Variants in CEACAM16 observed in about 807,000 individuals in gnomAD.
CEACAM16 encodes the protein CEA cell adhesion molecule 16, tectorial membrane component, also known as cell adhesion molecule CEACAM16.
A neutral mutation model predicts 39.4 loss-of-function variants in CEACAM16; 30 were observed. That is an observed-to-expected ratio of 0.76 (90% confidence interval 0.57 to 1.03). CEACAM16 has a LOEUF of 1.03. Among genes scored for constraint, CEACAM16 ranks in the 50% least tolerant of loss-of-function variants. The pLI, the probability that CEACAM16 is intolerant of heterozygous loss-of-function variation, is 0.00. For synonymous variants in CEACAM16, 262 were observed against 264.9 expected, an observed-to-expected ratio of 0.99 and a Z score of 0.11; for missense variants, 521 against 585.3, an observed-to-expected ratio of 0.89 and a Z score of 1.13.
In CEACAM16 at chr19:44,705,729, C is replaced by T. The variant is rs750837859; in HGVS notation, c.801C>T (p.Asn267=). 24 of 1,613,914 alleles carry T rather than the reference C, an allele frequency of 1.5e-5. No homozygotes were observed. The South Asian group carries it at 2.2e-4, about 15-fold the overall frequency. The change falls in exon 5 of 7, where the codon AAC becomes AAT. Residue 267 remains asparagine, a synonymous_variant. Transcript: ENST00000587331. ...AGCCCGAGTATGTGTGGACCTTCAA[C>T]GGGCAGGCCCTAAAGAACGGCCAAG... is the stretch of plus-strand genomic sequence containing the variant. ...CPEPEYVWTF[N]GQALKNGQDH...
intron 5 of CEACAM16, among the ~76,000 whole-genome samples, chr19:44,706,500 T>A (rs1001617101): frequency 3.3e-5 from 5 of 152,170 alleles, no homozygotes; most frequent in African/African-American, 1.2e-4. Flanking sequence ...TAAGGCCTCA[T>A]TAATTCTACC....
At position 44,705,701 on chromosome 19, in the gene CEACAM16, C is replaced by T. The variant is rs1974434470; in HGVS notation, c.773C>T (p.Pro258Leu). The T allele has an allele frequency of 6.2e-7, 1 of 1,613,838 alleles. No individual in the cohort carries two copies. ...LTLWCVSRSCPEPEYVWTFNG... is the reference protein window; with the variant it reads ...LTLWCVSRSCLEPEYVWTFNG... ...CTGTGGTGCGTGTCCAGGTCCTGCCCAGAGCCCGAGTATGTGTGGACCTTC... is the reference window on the plus strand; with the variant it reads ...CTGTGGTGCGTGTCCAGGTCCTGCCTAGAGCCCGAGTATGTGTGGACCTTC... Residue 258 changes from proline (P) to leucine (L), a missense_variant, in exon 5 of 7, where the codon CCA becomes CTA. Transcript: ENST00000587331.
intron 6 of CEACAM16, among the ~76,000 whole-genome samples, chr19:44,709,286 G>C (rs989802540): frequency 2.7e-5 from 4 of 149,632 alleles, no homozygotes; most frequent in Non-Finnish European, 4.5e-5. Context: ...CATCAGACTG[G>C]GAGCTCCCAG....
At position 44,703,703 on chromosome 19, in the gene CEACAM16, C is replaced by T; in HGVS notation, c.382+10C>T. 2.0e-6 allele frequency: 3 copies of T among 1,484,846 alleles called. No homozygotes were observed. The highest frequency in any genetic ancestry group is 2.7e-5 in the South Asian group (2 of 72,816). 92.0% of individuals were successfully genotyped at this position (1,484,846 alleles called of 1,614,324 possible). A position where few individuals can be genotyped will look rare whatever the true frequency, so the allele number is the denominator to read the frequency against. ...CACGTGCAGGTCCATGGTGAGACAC[C>T]CCCCAACACCCGCCTCTGCCCCAGC... On this transcript the variant is annotated intron_variant, in intron 3 of 6. Transcript: ENST00000587331.
chr19:44,707,399 C>T (rs1298388899), intron 5 of CEACAM16, among the ~76,000 whole-genome samples: 3 of 152,096 alleles, frequency 2.0e-5, no homozygotes, highest in Admixed American at 6.5e-5. Flanking sequence ...CATGCTCTCA[C>T]CCTCAAGAAT....
In CEACAM16 at chr19:44,709,206, C is replaced by A. The variant is rs192238684; in HGVS notation, c.1267+1019C>A. Among the ~76,000 whole-genome samples, 478 of 151,454 alleles carry A rather than the reference C, an allele frequency of 3.2e-3. 1 individual carries two copies. The highest frequency in any genetic ancestry group is 9.2e-3 in the African/African-American group (377 of 41,178). On this transcript the variant is annotated intron_variant, in intron 6 of 6. Coordinates refer to ENST00000587331, the MANE Select transcript of CEACAM16 (RefSeq NM_001039213.4). The stretch of plus-strand genomic sequence containing the variant: ...CATGTCTCCTCCATCAGACTGGGAG[C>A]TCCCGGAGTCAGGGACTATGTCTCC...
chr19:44,706,328 C>T (rs1340610555), intron 5 of CEACAM16, among the ~76,000 whole-genome samples: 1 of 145,770 alleles, frequency 6.9e-6, no homozygotes, highest in Non-Finnish European at 1.5e-5. Context: ...AGAATCACAG[C>T]CAATTGCTGG....
rs1156241984 is a variant in CEACAM16 at position 44,707,996 on chromosome 19, A to G, written c.1076A>G (p.Asn359Ser). The part of the protein sequence containing the change: ...AWYRGPASEP[N>S]RLLSQLPSGT... ...TACCGCGGGCCTGCCTCCGAGCCCA[A>G]CCGGCTGCTCAGCCAGCTGCCGTCA... Residue 359 changes from asparagine to serine, a missense_variant, in exon 6 of 7, where the codon AAC becomes AGC. Coordinates refer to ENST00000587331, the MANE Select transcript of CEACAM16 (RefSeq NM_001039213.4). 2 of 1,608,686 alleles carry G rather than the reference A, an allele frequency of 1.2e-6. No homozygotes were observed. The highest frequency in any genetic ancestry group is 1.7e-6 in the Non-Finnish European group (2 of 1,178,132).
In CEACAM16 at chr19:44,710,541, T is replaced by C; in HGVS notation, c.*35T>C. Reference sequence around the variant, plus strand: ...CCTGGAGACGTCCAGAGAGAAGAGCTCTTCGCACCATCCTCTGGTCCTCGC... The same window carrying C: ...CCTGGAGACGTCCAGAGAGAAGAGCCCTTCGCACCATCCTCTGGTCCTCGC... On this transcript the variant is annotated 3_prime_UTR_variant, in exon 7 of 7. Coordinates refer to ENST00000587331, the MANE Select transcript of CEACAM16 (RefSeq NM_001039213.4). 6.2e-7 allele frequency: 1 copy of C among 1,613,464 alleles called. No homozygotes were observed. The highest frequency in any genetic ancestry group is 8.5e-7 in the Non-Finnish European group (1 of 1,179,542).
chr19:44,701,355 TCCCAGGTCCTGCGGCAGACGGAG>T lies in CEACAM16; in HGVS notation c.-96-3_-77del. 1 of 1,285,694 alleles carries T rather than the reference TCCCAGGTCCTGCGGCAGACGGAG, an allele frequency of 7.8e-7. No homozygotes were observed. The allele number at this position is 1,285,694 out of a possible 1,614,324, so 79.6% of individuals were successfully genotyped here. On this transcript the variant is annotated splice_acceptor_variant and splice_polypyrimidine_tract_variant and 5_prime_UTR_variant and intron_variant, in exon 2 of 7. Coordinates refer to ENST00000587331, the MANE Select transcript of CEACAM16 (RefSeq NM_001039213.4). LOFTEE classifies it low-confidence loss of function (5UTR_SPLICE). This position sits in a 1 kb window ranked among gnomAD's most constrained non-coding sequence, Gnocchi z 4.0. ...CCCCTGGCTCCAAATCACCAAACCC[TCCCAGGTCCTGCGGCAGACGGAG>T]CCGAGCCCCAACCAGGAAGGGAGTC... is the stretch of plus-strand genomic sequence containing the variant.
Position 44,701,446 on chromosome 19 carries a change from TG to T in CEACAM16, c.-7del. The T allele has an allele frequency of 6.4e-7, 1 of 1,562,122 alleles. No homozygotes were observed. Among genetic ancestry groups the T allele is most frequent in the Non-Finnish European group, 8.7e-7 (1 of 1,152,578 alleles). The stretch of plus-strand genomic sequence containing the variant: ...ACGCCACCATCTCCAAGACTCGGTT[TG>T]GGGTGAAAGATGGCGCTGACTGGGT... On this transcript the variant is annotated 5_prime_UTR_variant, in exon 2 of 7. It removes the in-frame stop codon of an upstream open reading frame in the 5' UTR. Transcript: ENST00000587331. This position sits in a 1 kb window ranked among gnomAD's most constrained non-coding sequence, Gnocchi z 4.0.
intron 4 of CEACAM16, among the ~76,000 whole-genome samples, chr19:44,704,589 A>G (rs1050019005): frequency 1.2e-4 from 19 of 152,090 alleles, no homozygotes; most frequent in Non-Finnish European, 1.6e-4. Context: ...AAAATTAGCC[A>G]GGCATGGTGG....
Position 44,701,440 on chromosome 19 carries a change from T to A in CEACAM16, c.-17T>A. On this transcript the variant is annotated 5_prime_UTR_variant, in exon 2 of 7. Transcript: ENST00000587331. This position sits in a 1 kb window ranked among gnomAD's most constrained non-coding sequence, Gnocchi z 4.0. ...ACTTCAACGCCACCATCTCCAAGAC[T>A]CGGTTTGGGGTGAAAGATGGCGCTG... 1 of 1,560,244 alleles carries A rather than the reference T, an allele frequency of 6.4e-7. No individual in the cohort carries two copies. The highest frequency in any genetic ancestry group is 8.7e-7 in the Non-Finnish European group (1 of 1,151,560).
At chr19:44,703,259 G>A in intron 2 of CEACAM16, 90 bp from the exon 3 acceptor site, 1 of 1,196,228 alleles carries the variant, frequency 8.4e-7, no homozygotes, top group Non-Finnish European at 1.2e-6. Flanking sequence ...CTGGGCTGGG[G>A]ACATGCCCCG....
Position 44,704,009 on chromosome 19 carries a change from C to A in CEACAM16, c.383-9C>A. ...CGGCCCCCTCCCCCTCTGTCTCTTGCCCCCACAGAGATCCTGGCCCAGCCC... is the reference window on the plus strand; with the variant it reads ...CGGCCCCCTCCCCCTCTGTCTCTTGACCCCACAGAGATCCTGGCCCAGCCC... On this transcript the variant is annotated splice_polypyrimidine_tract_variant and intron_variant, in intron 3 of 6. Transcript: ENST00000587331. The A allele has an allele frequency of 6.3e-7, 1 of 1,582,354 alleles. No homozygotes were observed. Among genetic ancestry groups the A allele is most frequent in the Non-Finnish European group, 8.6e-7 (1 of 1,159,588 alleles).
Position 44,707,931 on chromosome 19 carries a change from C to T in CEACAM16, c.1011C>T (p.Thr337=), listed in dbSNP as rs764689326. ...KPTEGQDVTL[T]VQGYPKDLLV... The stretch of plus-strand genomic sequence containing the variant: ...CGGAGGGCCAGGACGTAACACTGAC[C>T]GTGCAGGGCTACCCCAAGGACCTGC... Residue 337 remains threonine (T), a synonymous_variant, in exon 6 of 7, where the codon ACC becomes ACT. Transcript: ENST00000587331. 14 of 1,588,324 alleles carry T rather than the reference C, an allele frequency of 8.8e-6. No individual in the cohort carries two copies. The highest frequency in any genetic ancestry group is 1.2e-5 in the Non-Finnish European group (14 of 1,161,872).
In CEACAM16 at chr19:44,705,744, G is replaced by C. The variant is rs1974435890; in HGVS notation, c.816G>C (p.Lys272Asn). Residue 272 changes from lysine (K) to asparagine (N), a missense_variant, in exon 5 of 7, where the codon AAG becomes AAC. By Grantham distance (94) the Lys-to-Asn change is moderately conservative. Coordinates refer to ENST00000587331, the MANE Select transcript of CEACAM16 (RefSeq NM_001039213.4). ...YVWTFNGQAL[K>N]NGQDHLNISS... Reference sequence around the variant, plus strand: ...GGACCTTCAACGGGCAGGCCCTAAAGAACGGCCAAGACCACCTCAACATCA... The same window carrying C: ...GGACCTTCAACGGGCAGGCCCTAAACAACGGCCAAGACCACCTCAACATCA... The C allele has an allele frequency of 6.2e-7, 1 of 1,613,896 alleles. No homozygotes were observed. Among genetic ancestry groups the C allele is most frequent in the African/African-American group, 1.3e-5 (1 of 74,932 alleles).
chr19:44,710,392 T>C, intron 6 of CEACAM16, 104 bp from the exon 7 acceptor site: 3 of 1,289,448 alleles, frequency 2.3e-6, no homozygotes, highest in Non-Finnish European at 3.2e-6. Context: ...GGCCACTGGG[T>C]GGCCCGGGGT....
At position 44,704,011 on chromosome 19, in the gene CEACAM16, C is replaced by G; in HGVS notation, c.383-7C>G. 6.3e-7 allele frequency: 1 copy of G among 1,585,490 alleles called. No homozygotes were observed. The highest frequency in any genetic ancestry group is 1.1e-5 in the South Asian group (1 of 88,630). On this transcript the variant is annotated splice_region_variant and splice_polypyrimidine_tract_variant and intron_variant, in intron 3 of 6. Coordinates refer to ENST00000587331, the MANE Select transcript of CEACAM16 (RefSeq NM_001039213.4). The stretch of plus-strand genomic sequence containing the variant: ...GCCCCCTCCCCCTCTGTCTCTTGCC[C>G]CCACAGAGATCCTGGCCCAGCCCAC...
Sources: allele counts gnomAD v4.1 joint callset (sites outside exome capture counted in the v4.1 genomes callset), GRCh38; gene constraint gnomAD v4.1.1; non-coding constraint Gnocchi (gnomAD v3.1); transcripts MANE v1.5; gene names NCBI Gene and HGNC (gene_info 2026-07-23, HGNC 2026-07-21).